Variants in USP34 observed in about 807,000 individuals in gnomAD.
USP34 encodes the protein ubiquitin specific peptidase 34, also known as ubiquitin carboxyl-terminal hydrolase 34.
USP34 carries 70 observed loss-of-function variants against 460.3 expected under a neutral mutation model. That is an observed-to-expected ratio of 0.15 (90% CI 0.13 to 0.19). The LOEUF is 0.19. Ranked by LOEUF, USP34 falls within the 10% of genes least tolerant of loss-of-function variation. USP34 has a pLI of 1.00. For missense variants in USP34, 3,985 were observed against 4,236.2 expected, an observed-to-expected ratio of 0.94 and a Z score of 1.65; for synonymous variants, 1,647 against 1,405.3, an observed-to-expected ratio of 1.17 and a Z score of -3.85.
chr2:61,318,176 G>C (rs1434795984), intron 22 of USP34, among the ~76,000 whole-genome samples: 2 of 132,440 alleles, frequency 1.5e-5, no homozygotes, highest in Non-Finnish European at 3.1e-5. Context: ...CTTGGAGACA[G>C]AGCAAGCCCA....
chr2:61,259,313 G>A (rs192436733), intron 44 of USP34, among the ~76,000 whole-genome samples: 273 of 151,964 alleles, frequency 1.8e-3, no homozygotes, highest in Non-Finnish European at 3.0e-3. Context: ...ACATAGTTAT[G>A]ACAAAGCCAG....
chr2:61,208,910 G>C lies in USP34; in HGVS notation c.8908C>G (p.Leu2970Val). The C allele has an allele frequency of 6.3e-7, 1 of 1,592,202 alleles. No homozygotes were observed. Among genetic ancestry groups the C allele is most frequent in the Non-Finnish European group, 8.6e-7 (1 of 1,168,542 alleles). The change falls in exon 70 of 80, where the codon CTA becomes GTA. Residue 2970 changes from leucine (L) to valine (V), a missense_variant. Leu to Val is a conservative substitution (Grantham distance 32). Around this residue, in one of 14 missense-constraint regions of USP34, gnomAD observed 275 missense variants for 292.7 expected, o/e 0.94. Coordinates refer to ENST00000398571, the MANE Select transcript of USP34 (RefSeq NM_014709.4). ...AATAGAATATTTACCTCTGTCATTA[G>C]AATCAATCCTCGATTAAATACAACA... ...LLVVFNRGLI[L>V]MTESFNTLHM...
chr2:61,298,117 TA>T, intron 29 of USP34, among the ~76,000 whole-genome samples: 1 of 152,102 alleles, frequency 6.6e-6, no homozygotes. Flanking sequence ...TCATGAGACA[TA>T]CACAGTAAAG....
At chr2:61,426,229 A>G (rs547970481) in intron 1 of USP34, among the ~76,000 whole-genome samples, 2 of 152,282 alleles carry the variant, frequency 1.3e-5, no homozygotes, top group South Asian at 4.1e-4. Flanking sequence ...AAGAGTAAAG[A>G]GAACTTTGTC....
chr2:61,330,618 T>C (rs1003297843), intron 20 of USP34, among the ~76,000 whole-genome samples: 6 of 152,162 alleles, frequency 3.9e-5, no homozygotes, highest in Non-Finnish European at 7.4e-5. Context: ...AGTAGTGGCA[T>C]TGAACTGGTT....
At chr2:61,410,734 G>T (rs1246314172) in intron 2 of USP34, among the ~76,000 whole-genome samples, 1 of 152,016 alleles carries the variant, frequency 6.6e-6, no homozygotes, top group African/African-American at 2.4e-5. Flanking sequence ...CAGAAATAAT[G>T]AAACAGAAGA....
intron 39 of USP34, among the ~76,000 whole-genome samples, chr2:61,279,452 C>G (rs1463312254): frequency 1.3e-5 from 2 of 152,100 alleles, no homozygotes; most frequent in Non-Finnish European, 2.9e-5. Context: ...CTTTAAGTGG[C>G]AAGATTTGCT....
At position 61,278,239 on chromosome 2, in the gene USP34, G is replaced by C; in HGVS notation, c.5359C>G (p.Leu1787Val). 1 of 1,613,582 alleles carries C rather than the reference G, an allele frequency of 6.2e-7. No individual in the cohort carries two copies. The highest frequency in any genetic ancestry group is 2.2e-5 in the East Asian group (1 of 44,864). ...GTTGCAAGCCTTAGGAGTCCTGTAAGCCCATCATCTTCTACATTACCATCC... is the reference window on the plus strand; with the variant it reads ...GTTGCAAGCCTTAGGAGTCCTGTAACCCCATCATCTTCTACATTACCATCC... ...HQDGNVEDDG[L>V]TGLLRLATSV... The change falls in exon 41 of 80, where the codon CTT becomes GTT. Residue 1787 changes from leucine to valine, a missense_variant. Physicochemically the swap from Leu to Val is conservative, Grantham distance 32 (BLOSUM62 1). This residue lies in a region of USP34 where 1,114 missense variants were observed against 1,122.5 expected (regional missense o/e 0.99). Coordinates refer to ENST00000398571, the MANE Select transcript of USP34 (RefSeq NM_014709.4).
chr2:61,365,781 G>A (rs1262003868), intron 10 of USP34, among the ~76,000 whole-genome samples: 1 of 152,068 alleles, frequency 6.6e-6, no homozygotes. Context: ...AAACTGGGAG[G>A]TGGAAAATGA....
chr2:61,376,180 A>G (rs911594209), intron 8 of USP34, among the ~76,000 whole-genome samples: 2 of 152,200 alleles, frequency 1.3e-5, no homozygotes, highest in African/African-American at 2.4e-5. Flanking sequence ...ATTGACTTGT[A>G]TATTTTAAAA....
chr2:61,324,602 A>G (rs965399637), intron 21 of USP34, among the ~76,000 whole-genome samples: 2 of 151,978 alleles, frequency 1.3e-5, no homozygotes, highest in Admixed American at 6.6e-5. Context: ...GTGAAACCCT[A>G]TCTCTATGAA....
chr2:61,454,613 A>C (rs563174689), intron 1 of USP34, among the ~76,000 whole-genome samples: 1 of 151,734 alleles, frequency 6.6e-6, no homozygotes, highest in Non-Finnish European at 1.5e-5. Context: ...GAAGTGACAC[A>C]ACCTCTACTC....
chr2:61,201,553 T>A (rs1686978986), intron 75 of USP34, among the ~76,000 whole-genome samples: 1 of 152,162 alleles, frequency 6.6e-6, no homozygotes, highest in African/African-American at 2.4e-5. Flanking sequence ...TATAGAGAAC[T>A]AAACCCTATG....
chr2:61,265,320 C>A, intron 43 of USP34, 77 bp downstream of exon 43: 6 of 1,460,654 alleles, frequency 4.1e-6, no homozygotes, highest in Non-Finnish European at 5.6e-6. Flanking sequence ...ACATTTACTA[C>A]ATTGAAATAA....
chr2:61,418,358 G>A (rs892084372), intron 2 of USP34, among the ~76,000 whole-genome samples: 1 of 152,184 alleles, frequency 6.6e-6, no homozygotes, highest in Non-Finnish European at 1.5e-5. Flanking sequence ...GGGATTACAT[G>A]CATGAGCAAC....
chr2:61,257,703 C>T, intron 44 of USP34, among the ~76,000 whole-genome samples: 1 of 151,772 alleles, frequency 6.6e-6, no homozygotes, highest in East Asian at 2.0e-4. Flanking sequence ...TTGAGACCAT[C>T]CTGGCCATCC....
intron 22 of USP34, among the ~76,000 whole-genome samples, chr2:61,318,112 G>C (rs1185204899): frequency 1.3e-5 from 2 of 149,506 alleles, no homozygotes; most frequent in Non-Finnish European, 1.5e-5. Context: ...AGAATTGCTT[G>C]AGCCTGGGAG....
At chr2:61,366,218 CCAGA>C (rs1381873164) in intron 10 of USP34, among the ~76,000 whole-genome samples, 1 of 152,122 alleles carries the variant, frequency 6.6e-6, no homozygotes, top group Non-Finnish European at 1.5e-5. Flanking sequence ...GCCACCACGC[CCAGA>C]CAGTGAATAC....
rs1049953640 is a variant in USP34, at chr2:61,325,309, A to G, written c.3013+66T>C. The G allele has an allele frequency of 8.7e-5, 97 of 1,111,538 alleles. No homozygotes were observed. In the East Asian group the frequency reaches 2.5e-3, roughly 28 times the overall value. The allele number at this position is 1,111,538 out of a possible 1,614,324, so 68.9% of individuals were successfully genotyped here. A position where few individuals can be genotyped will look rare whatever the true frequency, so the allele number is the denominator to read the frequency against. On this transcript the variant is annotated intron_variant, in intron 21 of 79. Coordinates refer to ENST00000398571, the MANE Select transcript of USP34 (RefSeq NM_014709.4). ...AAAAAAAACTGCAGAAATCAGAAGCAAAAGTAAATTTAGTTCTTCCAATAG... is the reference window on the plus strand; with the variant it reads ...AAAAAAAACTGCAGAAATCAGAAGCGAAAGTAAATTTAGTTCTTCCAATAG...
Sources: allele counts gnomAD v4.1 joint callset (sites outside exome capture counted in the v4.1 genomes callset), GRCh38; gene constraint gnomAD v4.1.1; regional missense constraint gnomAD v4.1.1; transcripts MANE v1.5; gene names NCBI Gene and HGNC (gene_info 2026-07-23, HGNC 2026-07-21).